CAP2: variants seen among roughly 807,000 people sequenced by gnomAD.
CAP2 encodes the protein adenylyl cyclase-associated protein 2.
CAP2 carries 24 observed loss-of-function variants against 57.7 expected under a neutral mutation model. The observed-to-expected ratio is 0.42, with a 90% CI of 0.30 to 0.58. The LOEUF is 0.58. Among genes scored for constraint, CAP2 ranks in the 20% least tolerant of loss-of-function variants. The probability of loss-of-function intolerance (pLI) is 0.22; values close to 1 mark genes in which losing one functional copy is unlikely to be tolerated. For synonymous variants in CAP2, 194 were observed against 207.2 expected (o/e 0.94, Z 0.55); for missense variants, 501 against 590.3 (o/e 0.85, Z 1.57).
chr6:17,406,415 A>G (rs374683577), intron 1 of CAP2, among the ~76,000 whole-genome samples: 13 of 62,070 alleles, frequency 2.1e-4, no homozygotes, highest in East Asian at 1.3e-3. Flanking sequence ...TTTTTTTTTG[A>G]GGCAGTCTCA....
chr6:17,476,211 G>A (rs966539245), intron 4 of CAP2, among the ~76,000 whole-genome samples: 5 of 152,162 alleles, frequency 3.3e-5, no homozygotes, highest in Admixed American at 6.5e-5. Context: ...GTCCTGTAAA[G>A]TGGTTAAAAT....
intron 11 of CAP2, among the ~76,000 whole-genome samples, chr6:17,543,550 G>A (rs1186599200): frequency 2.0e-5 from 3 of 151,010 alleles, no homozygotes; most frequent in Admixed American, 1.3e-4. Context: ...GAACCCAGGA[G>A]GTGGAGCTTG....
chr6:17,482,464 G>A (rs565531549), intron 4 of CAP2, among the ~76,000 whole-genome samples: 12 of 132,120 alleles, frequency 9.1e-5, no homozygotes, highest in East Asian at 4.7e-4. Flanking sequence ...AGCCGAGATC[G>A]CGCCACTGCA....
At chr6:17,428,445 G>T (rs1416074104) in intron 3 of CAP2, among the ~76,000 whole-genome samples, 1 of 152,060 alleles carries the variant, frequency 6.6e-6, no homozygotes, top group Non-Finnish European at 1.5e-5. Flanking sequence ...TCTACCTATA[G>T]ATTTCTCAGC....
intron 3 of CAP2, among the ~76,000 whole-genome samples, chr6:17,441,733 C>G (rs145043329): frequency 6.6e-6 from 1 of 152,302 alleles, no homozygotes; most frequent in East Asian, 1.9e-4. Context: ...AATCCTCCCA[C>G]CTTGGCCTCC....
chr6:17,423,090 C>T (rs1279474712), intron 2 of CAP2, among the ~76,000 whole-genome samples: 4 of 152,142 alleles, frequency 2.6e-5, no homozygotes, highest in African/African-American at 9.7e-5. Flanking sequence ...ATACTGAATC[C>T]TGTCAGGTTT....
chr6:17,400,229 A>C (rs1437495009), intron 1 of CAP2, among the ~76,000 whole-genome samples: 1 of 152,018 alleles, frequency 6.6e-6, no homozygotes, highest in African/African-American at 2.4e-5. Flanking sequence ...CCATCTCAAA[A>C]CACACACACA....
At chr6:17,397,749 A>C (rs1381055877) in intron 1 of CAP2, among the ~76,000 whole-genome samples, 1 of 150,992 alleles carries the variant, frequency 6.6e-6, no homozygotes, top group Admixed American at 6.6e-5. Flanking sequence ...GTAGGTATGT[A>C]ATATTTCTTG....
intron 4 of CAP2, among the ~76,000 whole-genome samples, chr6:17,499,816 A>G (rs1215108015): frequency 1.3e-5 from 2 of 151,608 alleles, no homozygotes; most frequent in Non-Finnish European, 2.9e-5. Context: ...GCACCACTGC[A>G]CTCCAGCCTG....
chr6:17,401,282 A>G (rs149849694), intron 1 of CAP2, among the ~76,000 whole-genome samples: 30 of 152,326 alleles, frequency 2.0e-4, no homozygotes, highest in African/African-American at 6.7e-4. Context: ...ACACAGCAAG[A>G]AAGTGCCATC....
At chr6:17,459,271 T>A (rs543477045) in intron 3 of CAP2, among the ~76,000 whole-genome samples, 1 of 152,168 alleles carries the variant, frequency 6.6e-6, no homozygotes, top group Non-Finnish European at 1.5e-5. Flanking sequence ...AAGACACAAA[T>A]AAAGACTGGA....
At chr6:17,543,355 C>T (rs867352048) in intron 11 of CAP2, among the ~76,000 whole-genome samples, 3 of 152,152 alleles carry the variant, frequency 2.0e-5, no homozygotes, top group Non-Finnish European at 2.9e-5. Context: ...CGGTGGCTCA[C>T]GCCCGTAACC....
In CAP2 at chr6:17,479,675, G is replaced by A. The variant is rs192432817; in HGVS notation, c.300+16602G>A. Among the ~76,000 whole-genome samples, 7 of 143,758 alleles carry A rather than the reference G, an allele frequency of 4.9e-5. 1 individual carries two copies. In the East Asian group the frequency reaches 8.2e-4, roughly 17 times the overall value. 94.3% of individuals were successfully genotyped at this position (143,758 alleles called of 152,430 possible). On this transcript the variant is annotated intron_variant, in intron 4 of 12. Coordinates refer to ENST00000229922, the MANE Select transcript of CAP2 (RefSeq NM_006366.3). Reference sequence around the variant, plus strand: ...CGCCCAGGCTAGAGTGCAGTGGCACGATCTCGGCTCACTGCCAGCTCCGCC... The same window carrying A: ...CGCCCAGGCTAGAGTGCAGTGGCACAATCTCGGCTCACTGCCAGCTCCGCC...
chr6:17,496,027 T>TGGCTG (rs3075209), intron 4 of CAP2, among the ~76,000 whole-genome samples: 2 of 44,314 alleles, frequency 4.5e-5, no homozygotes, highest in South Asian at 2.1e-3. Flanking sequence ...CGTGTGTGGG[T>TGGCTG]GGGGGGGGGG....
chr6:17,421,811 T>C lies in CAP2; in HGVS notation c.121+135T>C, dbSNP rs971881557. 1.5e-5 allele frequency: 15 copies of C among 981,028 alleles called. No homozygotes were observed. The East Asian group carries it at 3.4e-4, about 22-fold the overall frequency. 60.8% of individuals were successfully genotyped at this position (981,028 alleles called of 1,614,324 possible). On this transcript the variant is annotated intron_variant, in intron 2 of 12. Transcript: ENST00000229922. Reference sequence around the variant, plus strand: ...CTTCCATCGTATGTGACCATAACATTAACCAGAGGCAAGCAATCCCTGAAA... The same window carrying C: ...CTTCCATCGTATGTGACCATAACATCAACCAGAGGCAAGCAATCCCTGAAA...
At chr6:17,537,697 A>AT (rs1762805603) in intron 7 of CAP2, among the ~76,000 whole-genome samples, 1 of 152,046 alleles carries the variant, frequency 6.6e-6, no homozygotes, top group African/African-American at 2.4e-5. Flanking sequence ...ATTACTCGCA[A>AT]TTTTTTAAGC....
intron 1 of CAP2, among the ~76,000 whole-genome samples, chr6:17,400,927 C>A (rs1284002830): frequency 6.6e-6 from 1 of 150,400 alleles, no homozygotes; most frequent in Non-Finnish European, 1.5e-5. Context: ...CCTAAGGCAA[C>A]AAGAACAGTT....
chr6:17,432,082 CT>C (rs1759752397), intron 3 of CAP2, among the ~76,000 whole-genome samples: 1 of 152,176 alleles, frequency 6.6e-6, no homozygotes, highest in Admixed American at 6.5e-5. Flanking sequence ...TCTGTGCTTT[CT>C]GGTCCTACGA....
At chr6:17,455,621 C>T (rs538435888) in intron 3 of CAP2, among the ~76,000 whole-genome samples, 30 of 152,032 alleles carry the variant, frequency 2.0e-4, no homozygotes, top group African/African-American at 4.1e-4. Context: ...CTGCACTCTC[C>T]GCCTCCCGGG....
Sources: allele counts gnomAD v4.1 joint callset (sites outside exome capture counted in the v4.1 genomes callset), GRCh38; gene constraint gnomAD v4.1.1; transcripts MANE v1.5; gene names NCBI Gene and HGNC (gene_info 2026-07-23, HGNC 2026-07-21).